Variants in GSKIP observed in about 807,000 individuals in gnomAD.
The protein encoded by GSKIP is GSK3B-interacting protein.
Under a neutral mutation model 11.9 loss-of-function variants are expected in GSKIP, and 5 were observed. That is an observed-to-expected ratio of 0.42 (90% CI 0.22 to 0.89). GSKIP has a LOEUF of 0.89. Among genes scored for constraint, GSKIP ranks in the 40% least tolerant of loss-of-function variants. The pLI, the probability that GSKIP is intolerant of heterozygous loss-of-function variation, is 0.29. For missense variants in GSKIP, 150 were observed against 166.6 expected (o/e 0.90, Z 0.55); for synonymous variants, 70 against 62.9 (o/e 1.11, Z -0.54).
chr14:96,378,230 T>G (rs1410073784), intron 1 of GSKIP, among the ~76,000 whole-genome samples: 2 of 152,120 alleles, frequency 1.3e-5, no homozygotes, highest in African/African-American at 4.8e-5. Flanking sequence ...GGCACCCACC[T>G]GCAGTCCCAA....
intron 2 of GSKIP, among the ~76,000 whole-genome samples, chr14:96,380,532 A>G (rs1443033190): frequency 6.6e-6 from 1 of 152,206 alleles, no homozygotes; most frequent in Non-Finnish European, 1.5e-5. Flanking sequence ...CTGTAATTTT[A>G]TAAGCTCTTA....
At chr14:96,381,545 C>T (rs1187908229) in intron 2 of GSKIP, among the ~76,000 whole-genome samples, 3 of 152,162 alleles carry the variant, frequency 2.0e-5, no homozygotes, top group Non-Finnish European at 4.4e-5. Flanking sequence ...TGAGACTTAC[C>T]TACTGTGGTA....
chr14:96,368,231 G>A (rs1012284190), intron 1 of GSKIP, among the ~76,000 whole-genome samples: 1 of 148,420 alleles, frequency 6.7e-6, no homozygotes, highest in African/African-American at 2.5e-5. Context: ...CACTCAGACT[G>A]GAGTGCAGTG....
intron 1 of GSKIP, among the ~76,000 whole-genome samples, chr14:96,373,704 G>C (rs1889118031): frequency 6.6e-6 from 1 of 152,014 alleles, no homozygotes; most frequent in African/African-American, 2.4e-5. Context: ...AATTCATAGG[G>C]CATTGGGTAG....
At chr14:96,371,537 C>T (rs567130990) in intron 1 of GSKIP, among the ~76,000 whole-genome samples, 3 of 150,466 alleles carry the variant, frequency 2.0e-5, no homozygotes, top group South Asian at 2.1e-4. Flanking sequence ...CTCTGCCTCT[C>T]GGGTTCAAGA....
chr14:96,378,340 C>A (rs1369091033), intron 1 of GSKIP, among the ~76,000 whole-genome samples: 1 of 151,680 alleles, frequency 6.6e-6, no homozygotes, highest in African/African-American at 2.4e-5. Flanking sequence ...AAATAAATAA[C>A]TCTCCAAAAA....
At position 96,387,201 on chromosome 14, in the gene GSKIP, G is replaced by A. The variant is rs1264053067; in HGVS notation, c.*1517G>A. 3 of 152,092 alleles carry A rather than the reference G, an allele frequency of 2.0e-5. No individual in the cohort carries two copies. Among genetic ancestry groups the A allele is most frequent in the Non-Finnish European group, 4.4e-5 (3 of 68,028 alleles). 9.4% of individuals were successfully genotyped at this position (152,092 alleles called of 1,614,324 possible). On this transcript the variant is annotated 3_prime_UTR_variant, in exon 4 of 4. Transcript: ENST00000555181. ...ATTTGTAAAGTTTGAATAAAATTCT[G>A]TTTACTCATTTTGAGTTAGTATGAA...
At chr14:96,385,049 AAAG>A (rs1285293246) in intron 3 of GSKIP, among the ~76,000 whole-genome samples, 5 of 152,188 alleles carry the variant, frequency 3.3e-5, no homozygotes, top group African/African-American at 9.6e-5. Context: ...ATTGTTTATA[AAAG>A]AAGTGAAAAA....
At chr14:96,374,176 AAATAG>A (rs1258947962) in intron 1 of GSKIP, among the ~76,000 whole-genome samples, 6 of 152,132 alleles carry the variant, frequency 3.9e-5, no homozygotes, top group African/African-American at 9.6e-5. Flanking sequence ...TAAAAGACAC[AAATAG>A]AATAGATACT....
chr14:96,382,243 A>G lies in GSKIP; in HGVS notation c.-1-4A>G, dbSNP rs777576688. ...TTTATAACTGCTTTTTTTTTTTTTT[A>G]CAGAATGGAAACAGACTGTAATCCC... On this transcript the variant is annotated splice_polypyrimidine_tract_variant and splice_region_variant and intron_variant, in intron 2 of 3. Transcript: ENST00000555181. The G allele has an allele frequency of 2.8e-6, 4 of 1,447,946 alleles. No homozygotes were observed. The highest frequency in any genetic ancestry group is 2.4e-5 in the Admixed American group (1 of 41,732). 89.7% of individuals were successfully genotyped at this position (1,447,946 alleles called of 1,614,324 possible). A position where few individuals can be genotyped will look rare whatever the true frequency, so the allele number is the denominator to read the frequency against.
intron 1 of GSKIP, among the ~76,000 whole-genome samples, chr14:96,368,168 A>G (rs1888947327): frequency 6.6e-6 from 1 of 150,568 alleles, no homozygotes; most frequent in East Asian, 1.9e-4. Context: ...AAGGTTTACA[A>G]GGTTGTATTG....
At chr14:96,377,077 T>C (rs1406441499) in intron 1 of GSKIP, among the ~76,000 whole-genome samples, 1 of 152,346 alleles carries the variant, frequency 6.6e-6, no homozygotes, top group African/African-American at 2.4e-5. Context: ...TATTATATTA[T>C]CTGCAAGTTT....
intron 3 of GSKIP, among the ~76,000 whole-genome samples, chr14:96,383,892 A>G (rs2139945202): frequency 6.6e-6 from 1 of 152,292 alleles, no homozygotes; most frequent in South Asian, 2.1e-4. Flanking sequence ...AGAATTAGTA[A>G]GATAATTCTG....
At position 96,382,356 on chromosome 14, in the gene GSKIP, G is replaced by A. The variant is rs1889368135; in HGVS notation, c.109G>A (p.Ala37Thr). Residue 37 changes from alanine to threonine, a missense_variant, in exon 3 of 4, where the codon GCT becomes ACT. Physicochemically the swap from Ala to Thr is moderately conservative, Grantham distance 58 (BLOSUM62 0). Transcript: ENST00000555181. ...GTDMKDMRLE[A>T]EAVVNDVLFA... ...TGACATGAAAGACATGAGGCTCGAA[G>A]CTGAAGCAGTTGTAAATGATGTTCT... 2 of 1,613,826 alleles carry A rather than the reference G, an allele frequency of 1.2e-6. No homozygotes were observed. The highest frequency in any genetic ancestry group is 1.3e-5 in the African/African-American group (1 of 74,866).
At position 96,386,381 on chromosome 14, in the gene GSKIP, A is replaced by C. The variant is rs890983810; in HGVS notation, c.*697A>C. 3 of 152,636 alleles carry C rather than the reference A, an allele frequency of 2.0e-5. No individual in the cohort carries two copies. Among genetic ancestry groups the C allele is most frequent in the African/African-American group, 7.2e-5 (3 of 41,464 alleles). The allele number at this position is 152,636 out of a possible 1,614,324, so 9.5% of individuals were successfully genotyped here. ...ATAATTACTCATTTCCAAGATATCT[A>C]AGCACATAAGCAAATACAGGAACAG... On this transcript the variant is annotated 3_prime_UTR_variant, in exon 4 of 4. Coordinates refer to ENST00000555181, the MANE Select transcript of GSKIP (RefSeq NM_016472.5).
intron 3 of GSKIP, 130 bp from the exon 4 acceptor site, chr14:96,385,393 T>C: frequency 1.6e-6 from 1 of 641,868 alleles, no homozygotes; most frequent in Non-Finnish European, 2.7e-6. Flanking sequence ...CCCATGTATC[T>C]GGTGGTCTAG....
intron 1 of GSKIP, among the ~76,000 whole-genome samples, chr14:96,371,720 T>A (rs913403140): frequency 6.6e-6 from 1 of 152,226 alleles, no homozygotes; most frequent in African/African-American, 2.4e-5. Context: ...GTGTTGGGAT[T>A]ACAGGTGTGG....
chr14:96,364,788 C>A (rs1888822483), intron 1 of GSKIP: 1 of 152,214 alleles, frequency 6.6e-6, no homozygotes, highest in South Asian at 2.1e-4. Flanking sequence ...GCCGAACCTT[C>A]AAGGAGTTTA....
At chr14:96,365,800 C>T (rs887902016) in intron 1 of GSKIP, among the ~76,000 whole-genome samples, 2 of 151,966 alleles carry the variant, frequency 1.3e-5, no homozygotes, top group African/African-American at 4.8e-5. Flanking sequence ...TGCCACTGCA[C>T]TCCAGCCTGG....
Sources: gnomAD v4.1 joint callset for allele counts (sites outside exome capture counted in the v4.1 genomes callset) on GRCh38, gnomAD v4.1.1 for gene constraint, MANE v1.5 for transcripts, NCBI Gene and HGNC (gene_info 2026-07-23, HGNC 2026-07-21) for gene names.